The following RAB40C variants were observed in gnomAD, a reference collection of about 807,000 sequenced individuals.
RAB40C encodes RAB40C, member RAS oncogene family, also known as ras-related protein Rab-40C.
Under a neutral mutation model 28.1 loss-of-function variants are expected in RAB40C, and 8 were observed. The ratio of observed to expected loss-of-function variants is 0.28; its 90% CI spans 0.17 to 0.51. The LOEUF (loss-of-function observed/expected upper bound fraction) is 0.51, where lower values mean the gene tolerates loss of function less well. RAB40C is among the 20% of genes least tolerant of loss of function. The pLI, the probability that RAB40C is intolerant of heterozygous loss-of-function variation, is 0.97. For synonymous variants in RAB40C, 201 were observed against 171.7 expected (o/e 1.17, Z -1.34); for missense variants, 288 against 405.9 (o/e 0.71, Z 2.50).
chr16:618,044 C>A (rs2036624392), intron 2 of RAB40C, among the ~76,000 whole-genome samples, 156 bp from the exon 3 acceptor site: 1 of 152,218 alleles, frequency 6.6e-6, no homozygotes, highest in Non-Finnish European at 1.5e-5. Context: ...GCTGCTGTGA[C>A]CTGTGCAGAC....
At chr16:627,285 C>T in intron 5 of RAB40C, 57 bp from the exon 6 acceptor site, 1 of 1,539,426 alleles carries the variant, frequency 6.5e-7, no homozygotes, top group Non-Finnish European at 8.9e-7. Context: ...TCAGGTCTCC[C>T]TGCACAGGGC....
rs536655116 is a variant in RAB40C, at chr16:607,501, C to CA, written c.143-9692dup. ...CTGGACAACGAGAGTGAAACTGTCT[C>CA]AAAAAAAAAAAAAAACGGGGGGCCG... is the stretch of plus-strand genomic sequence containing the variant. On this transcript the variant is annotated intron_variant, in intron 1 of 5. Transcript: ENST00000248139. Among the ~76,000 whole-genome samples the CA allele has an allele frequency of 9.7e-3, 980 of 100,820 alleles. 1 individual carries two copies. Among genetic ancestry groups the CA allele is most frequent in the Non-Finnish European group, 0.011 (513 of 47,704 alleles). The allele number at this position is 100,820 out of a possible 152,430, so 66.1% of individuals were successfully genotyped here. A position where few individuals can be genotyped will look rare whatever the true frequency, so the allele number is the denominator to read the frequency against.
rs555177847 is a variant in RAB40C at position 620,505 on chromosome 16, T to A, written c.264+2245T>A. On this transcript the variant is annotated intron_variant, in intron 3 of 5. Coordinates refer to ENST00000248139, the MANE Select transcript of RAB40C (RefSeq NM_021168.5). ...CTGCAATAAACATATACTATTTTGG[T>A]ATTAAAAAATATGGGGCGCAGTTAT... Among the ~76,000 whole-genome samples the A allele has an allele frequency of 6.6e-5, 10 of 152,352 alleles. 1 individual carries two copies. In the East Asian group the frequency reaches 1.9e-3, roughly 29 times the overall value.
intron 3 of RAB40C, among the ~76,000 whole-genome samples, chr16:622,711 G>A (rs1444711967): frequency 5.9e-5 from 9 of 152,150 alleles, no homozygotes; most frequent in African/African-American, 1.9e-4. Flanking sequence ...TCACCATGTT[G>A]GCCAGGATGG....
At chr16:598,615 G>A (rs1303948836) in intron 1 of RAB40C, among the ~76,000 whole-genome samples, 1 of 151,252 alleles carries the variant, frequency 6.6e-6, no homozygotes, top group African/African-American at 2.4e-5. Flanking sequence ...GGTGGTGCAC[G>A]TCTGTAGTCC....
chr16:614,142 T>C (rs950953527), intron 1 of RAB40C, among the ~76,000 whole-genome samples: 1 of 145,106 alleles, frequency 6.9e-6, no homozygotes, highest in African/African-American at 2.6e-5. Flanking sequence ...ATCCCGATGG[T>C]GAACTGCTAA....
At chr16:590,849 GGGGAAGGTGTCGTGGGCCGGA>G (rs1277832001) in intron 1 of RAB40C, among the ~76,000 whole-genome samples, 11 of 151,440 alleles carry the variant, frequency 7.3e-5, no homozygotes, top group African/African-American at 1.9e-4. Context: ...CATGGGCTCG[GGGGAAGGTGTCGTGGGCCGGA>G]GGGAAGGTGT....
At chr16:617,121 C>T (rs1319066310) in intron 1 of RAB40C, 87 bp from the exon 2 acceptor site, 4 of 1,415,634 alleles carry the variant, frequency 2.8e-6, no homozygotes, top group Non-Finnish European at 4.0e-6. Context: ...TGGGTCTTGG[C>T]CCTGGGAGGC....
In RAB40C at chr16:629,034, C is replaced by A; in HGVS notation, c.*1412C>A. 1 of 154,908 alleles carries A rather than the reference C, an allele frequency of 6.5e-6. No homozygotes were observed. The highest frequency in any genetic ancestry group is 6.4e-5 in the Admixed American group (1 of 15,730). The allele number at this position is 154,908 out of a possible 1,614,324, so 9.6% of individuals were successfully genotyped here. On this transcript the variant is annotated 3_prime_UTR_variant, in exon 6 of 6. Coordinates refer to ENST00000248139, the MANE Select transcript of RAB40C (RefSeq NM_021168.5). ...GGGAACCCCAGGCAGGCGGCCCTGCCACAGCCCCCAAAGACACTGGCCTCC... is the reference window on the plus strand; with the variant it reads ...GGGAACCCCAGGCAGGCGGCCCTGCAACAGCCCCCAAAGACACTGGCCTCC...
chr16:612,900 AC>A (rs1416577245), intron 1 of RAB40C, among the ~76,000 whole-genome samples: 4 of 38,628 alleles, frequency 1.0e-4, no homozygotes, highest in African/African-American at 5.4e-4. Context: ...AATCAAGAGC[AC>A]GGGACAGCCG....
chr16:596,520 C>T (rs527973186), intron 1 of RAB40C: 39 of 340,252 alleles, frequency 1.1e-4, no homozygotes, highest in South Asian at 8.2e-4. Flanking sequence ...ATCCGCCGGG[C>T]GTTTGGAGTA....
chr16:617,354 G>A (rs1405296902), intron 2 of RAB40C, 86 bp downstream of exon 2: 6 of 1,496,084 alleles, frequency 4.0e-6, no homozygotes, highest in Non-Finnish European at 4.7e-6. Context: ...ACAGGAAGGC[G>A]TCCTGTTTGC....
chr16:607,924 G>T (rs970908989), intron 1 of RAB40C, among the ~76,000 whole-genome samples: 1 of 152,040 alleles, frequency 6.6e-6, no homozygotes, highest in Non-Finnish European at 1.5e-5. Context: ...CCCCTCCACT[G>T]CCCGTTTTCA....
intron 1 of RAB40C, among the ~76,000 whole-genome samples, chr16:603,453 C>T (rs1240841635): frequency 3.3e-5 from 5 of 152,118 alleles, no homozygotes; most frequent in African/African-American, 4.8e-5. Flanking sequence ...CGGCCCCGCA[C>T]GTGAATGACT....
At chr16:607,588 G>A (rs1432788704) in intron 1 of RAB40C, among the ~76,000 whole-genome samples, 1 of 151,504 alleles carries the variant, frequency 6.6e-6, no homozygotes, top group Non-Finnish European at 1.5e-5. Context: ...CGGATCACAA[G>A]GTCAGGAGAT....
chr16:598,832 A>C (rs546177594), intron 1 of RAB40C, among the ~76,000 whole-genome samples: 2 of 152,208 alleles, frequency 1.3e-5, no homozygotes, highest in Non-Finnish European at 2.9e-5. Context: ...CAGCGGCCGG[A>C]TGTAAGAACC....
rs140707344 is a variant in RAB40C, at chr16:599,308, C to G, written c.142+8875C>G. On this transcript the variant is annotated intron_variant, in intron 1 of 5. Coordinates refer to ENST00000248139, the MANE Select transcript of RAB40C (RefSeq NM_021168.5). ...CAGGCTCTGCCAAGGCAGTGTCAGG[C>G]TGATGCCTGCCCGTGTCGGCCGGCC... Among the ~76,000 whole-genome samples the G allele has an allele frequency of 2.1e-3, 324 of 152,358 alleles. 1 individual carries two copies. The highest frequency in any genetic ancestry group is 7.3e-3 in the African/African-American group (304 of 41,594).
At chr16:619,644 C>T (rs992902970) in intron 3 of RAB40C, among the ~76,000 whole-genome samples, 1 of 152,276 alleles carries the variant, frequency 6.6e-6, no homozygotes, top group African/African-American at 2.4e-5. Context: ...GGGGCCAGTT[C>T]GTGAGCCTGG....
intron 1 of RAB40C, among the ~76,000 whole-genome samples, chr16:591,525 G>A (rs992732730): frequency 1.3e-5 from 2 of 152,088 alleles, no homozygotes; most frequent in Non-Finnish European, 2.9e-5. Flanking sequence ...TCAACGCTTT[G>A]TGCTAGAAGA....
Sources: allele counts gnomAD v4.1 joint callset (sites outside exome capture counted in the v4.1 genomes callset), GRCh38; gene constraint gnomAD v4.1.1; transcripts MANE v1.5; gene names NCBI Gene and HGNC (gene_info 2026-07-23, HGNC 2026-07-21).